The following EVI5 variants were observed in gnomAD, a reference collection of about 807,000 sequenced individuals.
EVI5 encodes ecotropic viral integration site 5.
Under a neutral mutation model 112.0 loss-of-function variants are expected in EVI5, and 73 were observed. The ratio of observed to expected loss-of-function variants is 0.65; its 90% CI spans 0.54 to 0.79. The LOEUF is 0.79. Ranked by LOEUF, EVI5 falls within the 30% of genes least tolerant of loss-of-function variation. EVI5 has a pLI of 0.00. For synonymous variants in EVI5, 305 were observed against 319.9 expected, an observed-to-expected ratio of 0.95 and a Z score of 0.50; for missense variants, 900 against 968.8, an observed-to-expected ratio of 0.93 and a Z score of 0.94.
At chr1:92,548,219 G>C (rs1027028979) in intron 19 of EVI5, among the ~76,000 whole-genome samples, 7 of 152,074 alleles carry the variant, frequency 4.6e-5, no homozygotes, top group African/African-American at 1.7e-4. Flanking sequence ...ATGTAATCCA[G>C]TATATAAACA....
intron 18 of EVI5, among the ~76,000 whole-genome samples, chr1:92,578,645 A>G (rs10874717): frequency 0.92 from 139,397 of 151,306 alleles, 64,298 homozygotes; most frequent in East Asian, 0.97. Context: ...GTGAACCCGG[A>G]AGGCAGAGCT....
intron 2 of EVI5, among the ~76,000 whole-genome samples, chr1:92,735,515 G>A (rs1677174732): frequency 6.6e-6 from 1 of 150,636 alleles, no homozygotes; most frequent in Admixed American, 6.6e-5. Context: ...AGTTATTTTT[G>A]TTATGATTTT....
chr1:92,514,081 C>T lies in EVI5; in HGVS notation c.2167-111G>A, dbSNP rs555141120. The T allele has an allele frequency of 1.6e-3, 980 of 612,304 alleles. 12 individuals are homozygous for T. The South Asian group carries it at 0.026, about 16-fold the overall frequency. 37.9% of individuals were successfully genotyped at this position (612,304 alleles called of 1,614,324 possible). On this transcript the variant is annotated intron_variant, in intron 19 of 19. Coordinates refer to ENST00000684568, the MANE Select transcript of EVI5 (RefSeq NM_001350197.2). ...AGATGCCTTATTATTTTTCTATTTA[C>T]AGGTATAATCATAGTTACTAATTTT...
chr1:92,770,359 C>A (rs1246319775), intron 1 of EVI5, among the ~76,000 whole-genome samples: 2 of 152,146 alleles, frequency 1.3e-5, no homozygotes, highest in Non-Finnish European at 2.9e-5. Context: ...TTGATGGATA[C>A]TTGGAGTGCT....
At chr1:92,582,539 G>A (rs148822852) in intron 18 of EVI5, among the ~76,000 whole-genome samples, 116 of 152,110 alleles carry the variant, frequency 7.6e-4, no homozygotes, top group African/African-American at 2.7e-3. Context: ...AAGCCTTAAT[G>A]TAGGAATGAA....
chr1:92,645,837 G>A (rs537292122), intron 13 of EVI5, among the ~76,000 whole-genome samples: 1 of 152,140 alleles, frequency 6.6e-6, no homozygotes, highest in South Asian at 2.1e-4. Flanking sequence ...CAGGTCATTG[G>A]TCTGATAATC....
At chr1:92,585,209 T>G in intron 18 of EVI5, among the ~76,000 whole-genome samples, 2 of 112,336 alleles carry the variant, frequency 1.8e-5, no homozygotes, top group African/African-American at 3.7e-5. Flanking sequence ...AGAGACAGAG[T>G]GAGACTCCAT....
In EVI5 at chr1:92,545,430, GT is replaced by G. The variant is rs1409342901; in HGVS notation, c.2166+18211del. Reference sequence around the variant, plus strand: ...TACTTGATGTAAAAAAAAAAAAAAGGTTTTTAAAGTGAATTACTATATTTCA... The same window carrying G: ...TACTTGATGTAAAAAAAAAAAAAAGGTTTTAAAGTGAATTACTATATTTCA... On this transcript the variant is annotated intron_variant, in intron 19 of 19. Transcript: ENST00000684568. Among the ~76,000 whole-genome samples the G allele has an allele frequency of 1.0e-3, 150 of 149,198 alleles. 1 individual carries two copies. The highest frequency in any genetic ancestry group is 3.5e-3 in the African/African-American group (143 of 40,586).
At position 92,748,738 on chromosome 1, in the gene EVI5, G is replaced by A. The variant is rs569284801; in HGVS notation, c.-81-12111C>T. ...AAACATCTTTTCACTTGTCTATAGTGTGCTATGAGTAGGTACAAGTACACT... is the reference window on the plus strand; with the variant it reads ...AAACATCTTTTCACTTGTCTATAGTATGCTATGAGTAGGTACAAGTACACT... On this transcript the variant is annotated intron_variant, in intron 1 of 19. Coordinates refer to ENST00000684568, the MANE Select transcript of EVI5 (RefSeq NM_001350197.2). Among the ~76,000 whole-genome samples the A allele has an allele frequency of 1.7e-4, 26 of 152,116 alleles. No individual in the cohort carries two copies. The South Asian group carries it at 4.8e-3, about 28-fold the overall frequency.
rs1667033398 is a variant in EVI5 at position 92,552,118 on chromosome 1, T to C, written c.2166+11524A>G. Among the ~76,000 whole-genome samples the C allele has an allele frequency of 4.8e-5, 4 of 83,198 alleles. No homozygotes were observed. The Admixed American group carries it at 6.2e-4, about 13-fold the overall frequency. The allele number at this position is 83,198 out of a possible 152,430, so 54.6% of individuals were successfully genotyped here. A position where few individuals can be genotyped will look rare whatever the true frequency, so the allele number is the denominator to read the frequency against. ...ATGTGTTCGAGGACTAATGGGGCTG[T>C]AGGGAAAAAAAAAAAAAAAAAAAAA... On this transcript the variant is annotated intron_variant, in intron 19 of 19. Coordinates refer to ENST00000684568, the MANE Select transcript of EVI5 (RefSeq NM_001350197.2).
At chr1:92,724,544 A>G (rs1390943407) in intron 2 of EVI5, among the ~76,000 whole-genome samples, 1 of 152,168 alleles carries the variant, frequency 6.6e-6, no homozygotes, top group Non-Finnish European at 1.5e-5. Context: ...ACACTCATTC[A>G]TGCCTGTAAT....
upstream of EVI5, among the ~76,000 whole-genome samples, chr1:92,788,504 A>AC (rs1218884738): frequency 6.8e-6 from 1 of 146,254 alleles, no homozygotes; most frequent in Admixed American, 6.8e-5. Context: ...AACAAAACAA[A>AC]AAAAAAACTA....
At chr1:92,710,297 T>C (rs777613519) in intron 2 of EVI5, among the ~76,000 whole-genome samples, 2 of 151,816 alleles carry the variant, frequency 1.3e-5, no homozygotes, top group Non-Finnish European at 2.9e-5. Flanking sequence ...GTGCCATGAT[T>C]GCACTGCACC....
At chr1:92,600,488 G>T (rs1318020598) in intron 18 of EVI5, among the ~76,000 whole-genome samples, 1 of 152,122 alleles carries the variant, frequency 6.6e-6, no homozygotes, top group Non-Finnish European at 1.5e-5. Context: ...GGGGAAACAG[G>T]CTGGGGCTGG....
chr1:92,563,613 A>G (rs778501483), intron 19 of EVI5, 29 bp downstream of exon 19: 7 of 1,166,696 alleles, frequency 6.0e-6, no homozygotes, highest in South Asian at 2.7e-5. Context: ...GAAGAAAGCA[A>G]TATGTGAAGA....
At chr1:92,772,302 A>G (rs1683516386) in intron 1 of EVI5, among the ~76,000 whole-genome samples, 2 of 152,122 alleles carry the variant, frequency 1.3e-5, no homozygotes, top group Non-Finnish European at 2.9e-5. Context: ...TTTAACAGAT[A>G]TAAAAAGAAA....
rs117242540 is a variant in EVI5, at chr1:92,602,868, A to G, written c.2070+2439T>C. ...CCAGGTACGTTGATTCAGCAAAATT[A>G]AAAACTTTTGTGATAAAAACACTAT... is the stretch of plus-strand genomic sequence containing the variant. On this transcript the variant is annotated intron_variant, in intron 18 of 19. Transcript: ENST00000684568. Among the ~76,000 whole-genome samples the G allele has an allele frequency of 1.5e-3, 232 of 152,324 alleles. 4 individuals carry two copies. In the East Asian group the frequency reaches 0.041, roughly 27 times the overall value.
At chr1:92,729,387 C>G (rs140522218) in intron 2 of EVI5, among the ~76,000 whole-genome samples, 1 of 152,264 alleles carries the variant, frequency 6.6e-6, no homozygotes, top group African/African-American at 2.4e-5. Context: ...TAAGGGGGGA[C>G]TACTATATAG....
intron 2 of EVI5, among the ~76,000 whole-genome samples, chr1:92,727,313 T>G (rs2107519): frequency 0.61 from 92,871 of 152,002 alleles, 29,250 homozygotes; most frequent in East Asian, 0.92. Flanking sequence ...GTGAACATAT[T>G]AAAAACCACT....
Sources: allele counts gnomAD v4.1 joint callset (sites outside exome capture counted in the v4.1 genomes callset), GRCh38; gene constraint gnomAD v4.1.1; transcripts MANE v1.5; gene names NCBI Gene and HGNC (gene_info 2026-07-23, HGNC 2026-07-21).